The following CADM1 variants were observed in gnomAD, a reference collection of about 807,000 sequenced individuals.
CADM1 encodes TSLC-1.
CADM1 carries 15 observed loss-of-function variants against 53.1 expected under a neutral mutation model. That is an observed-to-expected ratio of 0.28 (90% CI 0.19 to 0.44). CADM1 has a LOEUF of 0.44. CADM1 is among the 20% of genes least tolerant of loss of function. CADM1 has a pLI of 1.00. For missense variants in CADM1, 434 were observed against 611.3 expected, an observed-to-expected ratio of 0.71 and a Z score of 3.06; for synonymous variants, 281 against 243.0, an observed-to-expected ratio of 1.16 and a Z score of -1.45.
intron 1 of CADM1, among the ~76,000 whole-genome samples, chr11:115,348,784 A>G (rs918362666): frequency 1.3e-5 from 2 of 152,204 alleles, no homozygotes; most frequent in Non-Finnish European, 2.9e-5. Flanking sequence ...CTTATTTAAA[A>G]AGAAATAAAA....
chr11:115,443,519 A>T (rs1406458618), intron 1 of CADM1, among the ~76,000 whole-genome samples: 5 of 152,168 alleles, frequency 3.3e-5, no homozygotes, highest in African/African-American at 1.2e-4. Context: ...AATTTCTCCC[A>T]CCTGGAAAAT....
In CADM1 at chr11:115,171,779, A is replaced by G. The variant is rs1591570858; in HGVS notation, c.*4695T>C. The G allele has an allele frequency of 6.6e-6, 1 of 152,178 alleles. No homozygotes were observed. Among genetic ancestry groups the G allele is most frequent in the Non-Finnish European group, 1.5e-5 (1 of 68,062 alleles). The allele number at this position is 152,178 out of a possible 1,614,324, so 9.4% of individuals were successfully genotyped here. On this transcript the variant is annotated 3_prime_UTR_variant, in exon 12 of 12. Coordinates refer to ENST00000331581, the MANE Select transcript of CADM1 (RefSeq NM_001301043.2). ...AGGGAGAGGGGTGGGGAGACTAAAC[A>G]TACTGCATGCCACGTGGCTTGGAAT...
intron 1 of CADM1, among the ~76,000 whole-genome samples, chr11:115,404,425 G>A (rs1947259849): frequency 8.0e-6 from 1 of 124,284 alleles, no homozygotes. Flanking sequence ...ATTCCAGATA[G>A]GTTAACAAAA....
In CADM1 at chr11:115,214,616, T is replaced by C; in HGVS notation, c.986A>G (p.Tyr329Cys). The C allele has an allele frequency of 6.2e-7, 1 of 1,613,866 alleles. No homozygotes were observed. The highest frequency in any genetic ancestry group is 8.5e-7 in the Non-Finnish European group (1 of 1,179,738). The change falls in exon 7 of 12, where the codon TAT becomes TGT. Residue 329 changes from tyrosine (Y) to cysteine (C), a missense_variant. Transcript: ENST00000331581. ...VGKAHSDYML[Y>C]VYDPPTTIPP... ...TTTATCTTCTCACGTACCGTATACA[T>C]ACAGCATATAATCCGAGTGAGCTTT...
chr11:115,414,600 A>G lies in CADM1; in HGVS notation c.124+89671T>C, dbSNP rs537816944. On this transcript the variant is annotated intron_variant, in intron 1 of 11. Coordinates refer to ENST00000331581, the MANE Select transcript of CADM1 (RefSeq NM_001301043.2). ...GTGATGATAAGACAGCTTGAATAAC[A>G]AGCCAAATCATGAGCCAAAGAGTTT... Among the ~76,000 whole-genome samples, 20 of 152,368 alleles carry G rather than the reference A, an allele frequency of 1.3e-4. No individual in the cohort carries two copies. The South Asian group carries it at 4.1e-3, about 32-fold the overall frequency.
intron 1 of CADM1, among the ~76,000 whole-genome samples, chr11:115,351,765 T>A (rs1798588189): frequency 6.6e-6 from 1 of 152,168 alleles, no homozygotes; most frequent in Non-Finnish European, 1.5e-5. Context: ...AGCATGCTCT[T>A]TCTCATTCTC....
chr11:115,464,553 C>T (rs1401967681), intron 1 of CADM1, among the ~76,000 whole-genome samples: 4 of 152,176 alleles, frequency 2.6e-5, no homozygotes. Flanking sequence ...TCAACAGAGG[C>T]TGTGTCCTAA....
intron 1 of CADM1, among the ~76,000 whole-genome samples, chr11:115,484,954 A>G (rs1949340961): frequency 6.6e-6 from 1 of 152,040 alleles, no homozygotes; most frequent in Admixed American, 6.5e-5. Flanking sequence ...CTCAAAAAAA[A>G]AAAAAAAGAA....
At chr11:115,183,885 G>A (rs933968198) in intron 10 of CADM1, among the ~76,000 whole-genome samples, 11 of 152,282 alleles carry the variant, frequency 7.2e-5, no homozygotes, top group East Asian at 5.8e-4. Context: ...GATGCTCAGC[G>A]TTCTGTGCTT....
chr11:115,215,551 G>A (rs952540243), intron 6 of CADM1, among the ~76,000 whole-genome samples: 8 of 152,166 alleles, frequency 5.3e-5, no homozygotes, highest in African/African-American at 1.2e-4. Context: ...ACCATGGCAT[G>A]CATTCCACAT....
At chr11:115,191,032 A>G in intron 9 of CADM1, 91 bp from the exon 10 acceptor site, 7 of 1,038,276 alleles carry the variant, frequency 6.7e-6, no homozygotes, top group Non-Finnish European at 1.0e-5. Flanking sequence ...CTTTAAAAAC[A>G]TGAGCCAAAT....
intron 1 of CADM1, among the ~76,000 whole-genome samples, chr11:115,299,918 C>T (rs188105237): frequency 1.2e-4 from 18 of 152,162 alleles, no homozygotes; most frequent in African/African-American, 4.1e-4. Context: ...AATGTTCAGA[C>T]ATTAACAAAG....
intron 6 of CADM1, among the ~76,000 whole-genome samples, chr11:115,216,266 T>G (rs147577909): frequency 6.6e-6 from 1 of 152,364 alleles, no homozygotes; most frequent in African/African-American, 2.4e-5. Context: ...TGGTTCCTAT[T>G]TGAAAGGAAC....
At chr11:115,329,879 C>G (rs1347230689) in intron 1 of CADM1, among the ~76,000 whole-genome samples, 2 of 151,300 alleles carry the variant, frequency 1.3e-5, no homozygotes, top group Non-Finnish European at 2.9e-5. Context: ...TGGACCATCT[C>G]CTCTCCAGCT....
At chr11:115,221,645 T>C (rs1358769294) in intron 5 of CADM1, among the ~76,000 whole-genome samples, 1 of 152,206 alleles carries the variant, frequency 6.6e-6, no homozygotes, top group African/African-American at 2.4e-5. Flanking sequence ...AAACTCAAGA[T>C]TCTGAACCTG....
chr11:115,351,262 T>C (rs903016150), intron 1 of CADM1, among the ~76,000 whole-genome samples: 1 of 152,240 alleles, frequency 6.6e-6, no homozygotes, highest in Non-Finnish European at 1.5e-5. Context: ...CTTTTCTCCT[T>C]CTTCTTCAAT....
At chr11:115,377,733 T>C (rs1946475652) in intron 1 of CADM1, 1 of 152,216 alleles carries the variant, frequency 6.6e-6, no homozygotes. Context: ...AAATACTTTA[T>C]AGATAAGAAT....
intron 1 of CADM1, among the ~76,000 whole-genome samples, chr11:115,500,773 C>G (rs923565308): frequency 6.6e-6 from 1 of 152,172 alleles, no homozygotes; most frequent in African/African-American, 2.4e-5. Context: ...AAATTTAGAG[C>G]TGGAAGAAAG....
intron 1 of CADM1, among the ~76,000 whole-genome samples, chr11:115,376,647 C>T (rs915195673): frequency 1.3e-5 from 2 of 152,110 alleles, no homozygotes; most frequent in African/African-American, 4.8e-5. Context: ...AGAAATTATT[C>T]AATAGTCATA....
Sources: allele counts gnomAD v4.1 joint callset (sites outside exome capture counted in the v4.1 genomes callset), GRCh38; gene constraint gnomAD v4.1.1; transcripts MANE v1.5; gene names NCBI Gene and HGNC (gene_info 2026-07-23, HGNC 2026-07-21).